PARD3B: variants seen among roughly 807,000 people sequenced by gnomAD.
The protein encoded by PARD3B is par-3 family cell polarity regulator beta.
PARD3B carries 103 observed loss-of-function variants against 130.2 expected under a neutral mutation model. The ratio of observed to expected loss-of-function variants is 0.79; its 90% CI spans 0.67 to 0.93. The LOEUF is 0.93. Among genes scored for constraint, PARD3B ranks in the 40% least tolerant of loss-of-function variants. The pLI, the probability that PARD3B is intolerant of heterozygous loss-of-function variation, is 0.00. For missense variants in PARD3B, 1,609 were observed against 1,499.2 expected, an observed-to-expected ratio of 1.07 and a Z score of -1.21; for synonymous variants, 583 against 553.2, an observed-to-expected ratio of 1.05 and a Z score of -0.76.
At chr2:204,752,778 A>G (rs2040515927) in intron 2 of PARD3B, among the ~76,000 whole-genome samples, 2 of 152,108 alleles carry the variant, frequency 1.3e-5, no homozygotes, top group South Asian at 4.1e-4. Context: ...CCCTGTTAAC[A>G]TCTTGACCAT....
At position 205,591,243 on chromosome 2, in the gene PARD3B, T is replaced by G. The variant is rs1381951069; in HGVS notation, c.3261-24213T>G. Among the ~76,000 whole-genome samples the G allele has an allele frequency of 1.3e-5, 2 of 152,148 alleles. No homozygotes were observed. The highest frequency in any genetic ancestry group is 2.9e-5 in the Non-Finnish European group (2 of 68,026). On this transcript the variant is annotated intron_variant, in intron 22 of 22. Coordinates refer to ENST00000406610, the MANE Select transcript of PARD3B (RefSeq NM_001302769.2). The surrounding 1 kb of genome is among the most constrained non-coding windows in gnomAD (Gnocchi z 4.2). ...TACATTTTAGTGTATTTTGTATAAG[T>G]TTTTTCAATGAACATAGTCCATACA...
At position 205,550,955 on chromosome 2, in the gene PARD3B, G is replaced by GTGTGTGTATATATATATATA. The variant is rs796567936; in HGVS notation, c.3181-2368_3181-2367insGTGTGTATATATATATATAT. 5.9e-4 allele frequency among the ~76,000 whole-genome samples: 56 copies of GTGTGTGTATATATATATATA among 94,378 alleles called. 1 individual carries two copies. The highest frequency in any genetic ancestry group is 1.3e-3 in the South Asian group (3 of 2,374). The allele number at this position is 94,378 out of a possible 152,430, so 61.9% of individuals were successfully genotyped here. On this transcript the variant is annotated intron_variant, in intron 21 of 22. Coordinates refer to ENST00000406610, the MANE Select transcript of PARD3B (RefSeq NM_001302769.2). The surrounding 1 kb of genome is among the most constrained non-coding windows in gnomAD (Gnocchi z 4.5). ...TGTGTGTGTGTGTATATATATATGT[G>GTGTGTGTATATATATATATA]TATATATATATATATATATATACAC...
intron 2 of PARD3B, among the ~76,000 whole-genome samples, chr2:204,888,549 T>G (rs984001588): frequency 4.6e-5 from 7 of 151,948 alleles, no homozygotes; most frequent in African/African-American, 1.7e-4. Context: ...CTTGGCAACA[T>G]GGTGAAACCC....
chr2:205,567,769 A>G (rs1245074219), intron 22 of PARD3B, among the ~76,000 whole-genome samples: 1 of 151,838 alleles, frequency 6.6e-6, no homozygotes, highest in Non-Finnish European at 1.5e-5. Context: ...ACTCTGAGAC[A>G]GGGATTTGAG....
chr2:205,331,738 G>A (rs1003439451), intron 18 of PARD3B, among the ~76,000 whole-genome samples: 1 of 120,110 alleles, frequency 8.3e-6, no homozygotes. Context: ...AGCCAAGAAT[G>A]AGCCATTCCA....
chr2:205,588,464 G>A (rs943541754), intron 22 of PARD3B, among the ~76,000 whole-genome samples: 6 of 151,924 alleles, frequency 3.9e-5, no homozygotes, highest in Non-Finnish European at 7.4e-5. Context: ...ATGAGTGATT[G>A]GAGTTTTTCC....
chr2:204,829,336 C>T (rs1174202843), intron 2 of PARD3B, among the ~76,000 whole-genome samples: 2 of 152,158 alleles, frequency 1.3e-5, no homozygotes, highest in Non-Finnish European at 2.9e-5. Context: ...AATGAGAAGA[C>T]TGAGTCCTAG....
chr2:205,515,860 A>T (rs1032268575), intron 21 of PARD3B, among the ~76,000 whole-genome samples: 9 of 152,158 alleles, frequency 5.9e-5, no homozygotes, highest in African/African-American at 2.2e-4. Context: ...CTTTGTCATG[A>T]AACCTTTGAC....
intron 20 of PARD3B, among the ~76,000 whole-genome samples, chr2:205,484,957 G>A (rs1222574361): frequency 1.3e-5 from 2 of 152,156 alleles, no homozygotes. Flanking sequence ...GCAGCAGAGT[G>A]CCTAATTTTC....
chr2:205,020,183 C>T (rs1266140334), intron 3 of PARD3B, among the ~76,000 whole-genome samples: 1 of 152,106 alleles, frequency 6.6e-6, no homozygotes, highest in Non-Finnish European at 1.5e-5. Context: ...ATCCTTAAGA[C>T]TTGGGGACAT....
chr2:205,097,016 G>C (rs1376185547), intron 4 of PARD3B, among the ~76,000 whole-genome samples: 1 of 152,030 alleles, frequency 6.6e-6, no homozygotes, highest in Non-Finnish European at 1.5e-5. Context: ...CTAAGTCTTA[G>C]GAAACGGGGG....
chr2:204,884,272 G>A (rs2046190288), intron 2 of PARD3B, among the ~76,000 whole-genome samples: 2 of 152,070 alleles, frequency 1.3e-5, no homozygotes. Flanking sequence ...TGAAATAAAT[G>A]AATCAGGCTC....
chr2:205,367,183 A>G (rs890520767), intron 18 of PARD3B, among the ~76,000 whole-genome samples: 1 of 152,228 alleles, frequency 6.6e-6, no homozygotes, highest in Non-Finnish European at 1.5e-5. Flanking sequence ...CGATTAAATG[A>G]TTTGTAAATT....
chr2:204,706,994 A>G (rs893055608), intron 2 of PARD3B, among the ~76,000 whole-genome samples: 1 of 152,206 alleles, frequency 6.6e-6, no homozygotes, highest in Non-Finnish European at 1.5e-5. Flanking sequence ...TGCAATTTGC[A>G]TGGCCTGTTT....
intron 21 of PARD3B, among the ~76,000 whole-genome samples, chr2:205,542,616 G>A (rs1249501515): frequency 6.6e-6 from 1 of 152,206 alleles, no homozygotes; most frequent in African/African-American, 2.4e-5. Flanking sequence ...GTCTGATAAT[G>A]TTGTGACTCC....
chr2:204,590,640 A>T (rs1238886378), intron 1 of PARD3B, among the ~76,000 whole-genome samples: 1 of 152,178 alleles, frequency 6.6e-6, no homozygotes, highest in Non-Finnish European at 1.5e-5. Flanking sequence ...AGCAAGAGAG[A>T]AGACATTGCT....
chr2:205,142,881 A>AAAAT lies in PARD3B; in HGVS notation c.1435-15814_1435-15811dup, dbSNP rs139843896. 0.35 allele frequency among the ~76,000 whole-genome samples: 51,150 copies of AAAAT among 146,484 alleles called. 9,269 individuals carry two copies. Among genetic ancestry groups the AAAAT allele is most frequent in the Admixed American group, 0.47 (6,884 of 14,544 alleles). On this transcript the variant is annotated intron_variant, in intron 10 of 22. Transcript: ENST00000406610. This position sits in a 1 kb window ranked among gnomAD's most constrained non-coding sequence, Gnocchi z 4.3. Reference sequence around the variant, plus strand: ...TGACAGGATGAGACTTCGGTCTCAAAAAATAAATAAATAAATAAATAAATA... The same window carrying AAAAT: ...TGACAGGATGAGACTTCGGTCTCAAAAAATAAATAAATAAATAAATAAATAAATA...
At chr2:204,894,893 G>A (rs1365749028) in intron 2 of PARD3B, among the ~76,000 whole-genome samples, 1 of 151,984 alleles carries the variant, frequency 6.6e-6, no homozygotes, top group African/African-American at 2.4e-5. Context: ...TAAAAGGAGA[G>A]ATTATCAAAA....
Position 205,015,141 on chromosome 2 carries a change from GTATGT to G in PARD3B, c.395-32436_395-32432del, listed in dbSNP as rs1044601390. Among the ~76,000 whole-genome samples the G allele has an allele frequency of 5.9e-5, 9 of 151,934 alleles. No homozygotes were observed. Among genetic ancestry groups the G allele is most frequent in the African/African-American group, 1.9e-4 (8 of 41,300 alleles). ...TAAACAGTTGATTAACACCTATTTT[GTATGT>G]TATATGTATTATGTATACAATATGT... On this transcript the variant is annotated intron_variant, in intron 3 of 22. Transcript: ENST00000406610. This position sits in a 1 kb window ranked among gnomAD's most constrained non-coding sequence, Gnocchi z 4.5.
Sources: gnomAD v4.1 joint callset for allele counts (sites outside exome capture counted in the v4.1 genomes callset) on GRCh38, gnomAD v4.1.1 for gene constraint, Gnocchi (gnomAD v3.1) non-coding constraint, MANE v1.5 for transcripts, NCBI Gene and HGNC (gene_info 2026-07-23, HGNC 2026-07-21) for gene names.